NME7: variants seen among roughly 807,000 people sequenced by gnomAD.
NME7 encodes the protein nucleoside diphosphate kinase 7.
NME7 carries 41 observed loss-of-function variants against 49.1 expected under a neutral mutation model. The observed-to-expected ratio is 0.83, with a 90% CI of 0.65 to 1.08. The LOEUF (loss-of-function observed/expected upper bound fraction) is 1.08, where lower values mean the gene tolerates loss of function less well. Among genes scored for constraint, NME7 ranks in the 50% least tolerant of loss-of-function variants. The pLI is 0.00. For synonymous variants in NME7, 139 were observed against 150.6 expected (o/e 0.92, Z 0.56); for missense variants, 423 against 463.4 (o/e 0.91, Z 0.80).
chr1:169,187,128 T>C (rs1156232424), intron 10 of NME7, among the ~76,000 whole-genome samples: 3 of 152,190 alleles, frequency 2.0e-5, no homozygotes, highest in Non-Finnish European at 4.4e-5. Flanking sequence ...TGAGAGACTG[T>C]TATGATTTTC....
intron 11 of NME7, among the ~76,000 whole-genome samples, chr1:169,157,825 C>T (rs1334832572): frequency 6.6e-6 from 1 of 152,172 alleles, no homozygotes; most frequent in African/African-American, 2.4e-5. Flanking sequence ...AAAAGCAGAA[C>T]CAAAGCCGAC....
At chr1:169,229,438 C>G (rs578059248) in intron 10 of NME7, among the ~76,000 whole-genome samples, 1 of 152,290 alleles carries the variant, frequency 6.6e-6, no homozygotes, top group South Asian at 2.1e-4. Flanking sequence ...ACTTTCAGGT[C>G]ATATTAACTG....
intron 7 of NME7, among the ~76,000 whole-genome samples, chr1:169,276,925 C>T (rs2101881790): frequency 6.7e-6 from 1 of 149,682 alleles, no homozygotes; most frequent in East Asian, 2.0e-4. Context: ...ATCTTTATTT[C>T]TGCCTTCATT....
intron 11 of NME7, among the ~76,000 whole-genome samples, chr1:169,148,507 T>C (rs531616742): frequency 2.0e-5 from 3 of 152,320 alleles, no homozygotes; most frequent in African/African-American, 7.2e-5. Flanking sequence ...TGTAATATTT[T>C]ATGAATGAAA....
chr1:169,252,936 C>A (rs1648700598), intron 7 of NME7, among the ~76,000 whole-genome samples: 1 of 149,306 alleles, frequency 6.7e-6, no homozygotes, highest in African/African-American at 2.5e-5. Context: ...TGTTTTGGTA[C>A]CAGTACCATG....
chr1:169,265,448 C>A (rs1192605415), intron 7 of NME7, among the ~76,000 whole-genome samples: 3 of 133,200 alleles, frequency 2.3e-5, no homozygotes, highest in African/African-American at 2.5e-5. Flanking sequence ...AACAAAGACA[C>A]AACAAATCAG....
At chr1:169,274,705 A>G (rs1309103146) in intron 7 of NME7, among the ~76,000 whole-genome samples, 1 of 133,562 alleles carries the variant, frequency 7.5e-6, no homozygotes, top group African/African-American at 2.5e-5. Flanking sequence ...TTTTCCCAGC[A>G]CCACTTATTA....
intron 10 of NME7, among the ~76,000 whole-genome samples, chr1:169,197,834 A>G (rs1261869007): frequency 2.6e-5 from 4 of 152,126 alleles, no homozygotes; most frequent in African/African-American, 9.7e-5. Context: ...CACCAAAAGT[A>G]TAAGCAATAA....
intron 11 of NME7, among the ~76,000 whole-genome samples, chr1:169,148,222 C>CA (rs950907298): frequency 2.0e-5 from 3 of 152,260 alleles, no homozygotes; most frequent in Non-Finnish European, 4.4e-5. Flanking sequence ...AGACTGGTCT[C>CA]AAACTCCTGA....
chr1:169,210,868 A>G (rs558420014), intron 10 of NME7, among the ~76,000 whole-genome samples: 2 of 152,250 alleles, frequency 1.3e-5, no homozygotes, highest in Admixed American at 1.3e-4. Flanking sequence ...CCCTGGCCTC[A>G]TCGGGGCTTC....
At chr1:169,166,654 A>G (rs1304430393) in intron 11 of NME7, among the ~76,000 whole-genome samples, 1 of 152,200 alleles carries the variant, frequency 6.6e-6, no homozygotes, top group Non-Finnish European at 1.5e-5. Context: ...GGGGTGGAGT[A>G]AAGACCTCGG....
At chr1:169,315,260 CTTTT>C (rs934745427) in intron 3 of NME7, among the ~76,000 whole-genome samples, 2 of 143,244 alleles carry the variant, frequency 1.4e-5, no homozygotes, top group African/African-American at 5.1e-5. Flanking sequence ...TTCTTTCTTT[CTTTT>C]TTTTTTTTCT....
At chr1:169,175,442 T>C (rs1659724144) in intron 10 of NME7, among the ~76,000 whole-genome samples, 1 of 152,186 alleles carries the variant, frequency 6.6e-6, no homozygotes, top group Non-Finnish European at 1.5e-5. Context: ...TAGTCATTTA[T>C]TATCATTATC....
At chr1:169,313,137 TA>T (rs1280881733) in intron 3 of NME7, among the ~76,000 whole-genome samples, 9 of 149,538 alleles carry the variant, frequency 6.0e-5, no homozygotes, top group African/African-American at 2.2e-4. Flanking sequence ...AAAAAGTTGA[TA>T]TTTTTAAAAA....
intron 1 of NME7, among the ~76,000 whole-genome samples, chr1:169,355,030 T>G: frequency 1.3e-5 from 1 of 75,778 alleles, no homozygotes; most frequent in Non-Finnish European, 2.3e-5. Flanking sequence ...TAATTATATA[T>G]TATATATTAT....
chr1:169,209,511 A>G (rs940853011), intron 10 of NME7, among the ~76,000 whole-genome samples: 1 of 152,096 alleles, frequency 6.6e-6, no homozygotes, highest in African/African-American at 2.4e-5. Flanking sequence ...AAGTTCTTCC[A>G]GTTCTCCTTC....
chr1:169,321,672 C>T (rs1651855557), intron 3 of NME7, among the ~76,000 whole-genome samples: 1 of 152,166 alleles, frequency 6.6e-6, no homozygotes, highest in East Asian at 1.9e-4. Context: ...TGTGTACTAA[C>T]ACCCACACTA....
At chr1:169,324,603 A>C in intron 1 of NME7, 103 bp from the exon 2 acceptor site, 1 of 667,236 alleles carries the variant, frequency 1.5e-6, no homozygotes, top group South Asian at 1.8e-5. Flanking sequence ...AAACAAAATT[A>C]CTTCTACCTA....
Position 169,229,831 on chromosome 1 carries a change from A to G in NME7, c.990+887T>C, listed in dbSNP as rs137859199. Among the ~76,000 whole-genome samples the G allele has an allele frequency of 2.2e-3, 335 of 152,138 alleles. 6 individuals carry two copies. The East Asian group carries it at 0.034, about 15-fold the overall frequency. On this transcript the variant is annotated intron_variant, in intron 10 of 11. Transcript: ENST00000367811. ...CAAAAGATTAGCCAGGCGGGGTGGC[A>G]CACACCTGTAGTCCCAGCTACTCAG...
Sources: allele counts gnomAD v4.1 joint callset (sites outside exome capture counted in the v4.1 genomes callset), GRCh38; gene constraint gnomAD v4.1.1; transcripts MANE v1.5; gene names NCBI Gene and HGNC (gene_info 2026-07-23, HGNC 2026-07-21).